ANK2: variants seen among roughly 807,000 people sequenced by gnomAD.
The protein encoded by ANK2 is ankyrin-2.
Under a neutral mutation model 360.5 loss-of-function variants are expected in ANK2, and 83 were observed. The observed-to-expected ratio is 0.23, with a 90% CI of 0.19 to 0.28. The LOEUF (loss-of-function observed/expected upper bound fraction) is 0.28. Ranked by LOEUF, ANK2 falls within the 10% of genes least tolerant of loss-of-function variation. The probability of loss-of-function intolerance (pLI) is 1.00; values close to 1 mark genes in which losing one functional copy is unlikely to be tolerated. For synonymous variants in ANK2, 1,740 were observed against 1,759.5 expected (o/e 0.99, Z 0.28); for missense variants, 4,201 against 4,795.7 (o/e 0.88, Z 3.66).
intron 2 of ANK2, among the ~76,000 whole-genome samples, chr4:113,183,488 G>C (rs1419649446): frequency 6.6e-6 from 1 of 152,128 alleles, no homozygotes. Flanking sequence ...AAACACAAGG[G>C]AACTGAGGAT....
At chr4:113,284,224 G>A (rs2063511673) in intron 18 of ANK2, among the ~76,000 whole-genome samples, 1 of 152,214 alleles carries the variant, frequency 6.6e-6, no homozygotes, top group Non-Finnish European at 1.5e-5. Context: ...GGGCGTCCTT[G>A]TGACTGTTGA....
the ANK2 span, among the ~76,000 whole-genome samples, chr4:112,805,870 C>T: frequency 5.3e-5 from 8 of 152,098 alleles, no homozygotes; most frequent in African/African-American, 1.7e-4. Flanking sequence ...CCACTGCGCC[C>T]GGCCACATGC....
intron 1 of ANK2, among the ~76,000 whole-genome samples, chr4:112,832,099 T>C (rs1173134501): frequency 6.6e-6 from 1 of 152,258 alleles, no homozygotes; most frequent in Middle Eastern, 3.2e-3. Flanking sequence ...TCGCGCAGGC[T>C]GGAGCGCAGT....
intron 5 of ANK2, among the ~76,000 whole-genome samples, chr4:113,234,424 T>G (rs1585577323): frequency 6.6e-6 from 1 of 152,180 alleles, no homozygotes. Flanking sequence ...TAAAATTACT[T>G]TTTTCCGATT....
intron 23 of ANK2, among the ~76,000 whole-genome samples, chr4:113,308,312 G>A (rs2078222842): frequency 6.6e-6 from 1 of 152,206 alleles, no homozygotes; most frequent in African/African-American, 2.4e-5. Context: ...TTGACAAGGG[G>A]AGAGGTAAAG....
intron 24 of ANK2, among the ~76,000 whole-genome samples, chr4:113,313,416 G>A (rs2081134253): frequency 6.6e-6 from 1 of 152,134 alleles, no homozygotes; most frequent in Non-Finnish European, 1.5e-5. Context: ...TGGATGGCTT[G>A]AATGCTCCTG....
intron 1 of ANK2, among the ~76,000 whole-genome samples, chr4:113,131,082 T>G (rs1219503550): frequency 6.6e-6 from 1 of 152,216 alleles, no homozygotes. Flanking sequence ...AACAAATGTT[T>G]AAAAACTGTA....
intron 1 of ANK2, among the ~76,000 whole-genome samples, chr4:112,866,082 C>T (rs925354286): frequency 6.6e-6 from 1 of 152,204 alleles, no homozygotes; most frequent in Non-Finnish European, 1.5e-5. Flanking sequence ...CTTAAACACA[C>T]AGCAGCTATA....
At chr4:113,085,195 C>G (rs1003538899) in intron 1 of ANK2, among the ~76,000 whole-genome samples, 1 of 152,172 alleles carries the variant, frequency 6.6e-6, no homozygotes, top group Non-Finnish European at 1.5e-5. Flanking sequence ...AGTAACGGAT[C>G]AGCATTACTG....
At chr4:113,079,304 G>A (rs2081356738) in intron 1 of ANK2, among the ~76,000 whole-genome samples, 1 of 152,134 alleles carries the variant, frequency 6.6e-6, no homozygotes, top group African/African-American at 2.4e-5. Flanking sequence ...TTAAACTTGA[G>A]ATTCTAACCT....
At chr4:113,189,809 G>A (rs1245393403) in intron 2 of ANK2, among the ~76,000 whole-genome samples, 2 of 151,984 alleles carry the variant, frequency 1.3e-5, no homozygotes, top group Non-Finnish European at 2.9e-5. Flanking sequence ...CTTGTTTCAT[G>A]GTACATACTC....
chr4:112,792,033 CTTTTTTTTTTTTTTT>C, the ANK2 span, among the ~76,000 whole-genome samples: 73 of 66,014 alleles, frequency 1.1e-3, no homozygotes, highest in African/African-American at 5.4e-3. Context: ...CACATCCTTT[CTTTTTTTTTTTTTTT>C]TTTTTTTTTT....
chr4:112,847,437 C>G (rs2063576307), intron 1 of ANK2, among the ~76,000 whole-genome samples: 1 of 152,148 alleles, frequency 6.6e-6, no homozygotes, highest in African/African-American at 2.4e-5. Flanking sequence ...TTGAATCTAT[C>G]CTGCTACCAC....
intron 1 of ANK2, among the ~76,000 whole-genome samples, chr4:113,171,299 G>A (rs532603923): frequency 3.2e-4 from 49 of 152,118 alleles, no homozygotes; most frequent in Non-Finnish European, 6.6e-4. Context: ...TATCCAAAGC[G>A]CTTGTGTCAA....
the ANK2 span, among the ~76,000 whole-genome samples, chr4:112,712,397 TA>T: frequency 1.7e-4 from 7 of 41,978 alleles, no homozygotes; most frequent in East Asian, 1.5e-3. Flanking sequence ...CATATATATA[TA>T]TATATATATT....
At chr4:112,848,407 C>T (rs564592004) in intron 1 of ANK2, among the ~76,000 whole-genome samples, 160 of 152,326 alleles carry the variant, frequency 1.1e-3, no homozygotes, top group African/African-American at 3.2e-3. Flanking sequence ...GGTGATCCAC[C>T]TGCCTTGGCC....
chr4:112,891,686 A>G (rs904623729), intron 1 of ANK2, among the ~76,000 whole-genome samples: 1 of 152,162 alleles, frequency 6.6e-6, no homozygotes, highest in Non-Finnish European at 1.5e-5. Flanking sequence ...TAAAAATAAT[A>G]TTATTAATAC....
the ANK2 span, among the ~76,000 whole-genome samples, chr4:112,727,845 T>C: frequency 2.0e-5 from 3 of 152,062 alleles, no homozygotes; most frequent in African/African-American, 7.2e-5. Context: ...CTGGGCGTAG[T>C]GGGGCATGCC....
chr4:113,196,595 A>G (rs2098751183), intron 3 of ANK2, 129 bp downstream of exon 3: 2 of 855,240 alleles, frequency 2.3e-6, no homozygotes, highest in Non-Finnish European at 3.7e-6. Flanking sequence ...TGGTACAATC[A>G]CGGCTCACCG....
Sources: gnomAD v4.1 joint callset for allele counts (sites outside exome capture counted in the v4.1 genomes callset) on GRCh38, gnomAD v4.1.1 for gene constraint, MANE v1.5 for transcripts, NCBI Gene and HGNC (gene_info 2026-07-23, HGNC 2026-07-21) for gene names.